Variants in PDE4D observed in about 807,000 individuals in gnomAD.
PDE4D encodes phosphodiesterase 4D, also known as 3',5'-cyclic-AMP phosphodiesterase 4D.
A neutral mutation model predicts 87.4 loss-of-function variants in PDE4D; 24 were observed. That is an observed-to-expected ratio of 0.27 (90% confidence interval 0.20 to 0.39). PDE4D has a LOEUF of 0.39. PDE4D is among the 10% of genes least tolerant of loss of function. The pLI is 1.00. For synonymous variants in PDE4D, 384 were observed against 383.2 expected (o/e 1.00, Z -0.02); for missense variants, 714 against 1,041.0 (o/e 0.69, Z 4.32).
chr5:60,483,607 A>G (rs1415375091), intron 1 of PDE4D, among the ~76,000 whole-genome samples: 2 of 152,234 alleles, frequency 1.3e-5, no homozygotes, highest in African/African-American at 4.8e-5. Flanking sequence ...GTTAAAAAAA[A>G]ACATTATTTC....
At chr5:59,582,270 A>T (rs1824305143) in intron 1 of PDE4D, among the ~76,000 whole-genome samples, 1 of 152,312 alleles carries the variant, frequency 6.6e-6, no homozygotes, top group East Asian at 1.9e-4. Context: ...ACGTATACAT[A>T]GTCATCAAAC....
intron 2 of PDE4D, among the ~76,000 whole-genome samples, chr5:60,172,690 G>T (rs948508670): frequency 6.6e-6 from 1 of 152,130 alleles, no homozygotes; most frequent in Non-Finnish European, 1.5e-5. Context: ...TCATTCTAAA[G>T]AGGCTTTAAC....
Position 59,448,846 on chromosome 5 carries a change from G to A in PDE4D, c.456-232878C>T, listed in dbSNP as rs115715707. On this transcript the variant is annotated intron_variant, in intron 1 of 14. Transcript: ENST00000340635. ...GATGGGGTCTTGCTAAGTTGCCTAG[G>A]CTAGTCTTGAACTTCTGGGCTCAAG... Among the ~76,000 whole-genome samples, 191 of 152,128 alleles carry A rather than the reference G, an allele frequency of 1.3e-3. 1 individual carries two copies. Among genetic ancestry groups the A allele is most frequent in the African/African-American group, 4.2e-3 (174 of 41,510 alleles).
At chr5:59,211,619 C>T (rs1750098147) in intron 2 of PDE4D, among the ~76,000 whole-genome samples, 2 of 151,954 alleles carry the variant, frequency 1.3e-5, no homozygotes, top group Admixed American at 1.3e-4. Context: ...AGATTAAGCT[C>T]ATTGGACTTT....
chr5:60,383,977 G>A (rs1450077049), intron 1 of PDE4D, among the ~76,000 whole-genome samples: 1 of 152,164 alleles, frequency 6.6e-6, no homozygotes, highest in Admixed American at 6.5e-5. Flanking sequence ...TAGCTAAGCA[G>A]TCTAACTCTA....
intron 5 of PDE4D, among the ~76,000 whole-genome samples, chr5:59,075,951 GC>G (rs1482230515): frequency 3.3e-5 from 5 of 151,810 alleles, no homozygotes; most frequent in Non-Finnish European, 4.4e-5. Flanking sequence ...CTGTTGCTTG[GC>G]AGTCCTCAAA....
At chr5:59,868,177 G>T (rs1747324440) in intron 1 of PDE4D, among the ~76,000 whole-genome samples, 2 of 152,188 alleles carry the variant, frequency 1.3e-5, no homozygotes, top group African/African-American at 2.4e-5. Flanking sequence ...AAGACTCACA[G>T]ATTTCTTGTT....
intron 1 of PDE4D, among the ~76,000 whole-genome samples, chr5:59,496,074 C>T (rs78634108): frequency 0.017 from 2,585 of 152,222 alleles, 79 homozygotes; most frequent in East Asian, 0.13. Flanking sequence ...CAAGGTTTTA[C>T]TGAGTGGAAG....
intron 1 of PDE4D, among the ~76,000 whole-genome samples, chr5:59,377,432 A>AAT (rs60411698): frequency 1.4e-3 from 208 of 150,116 alleles, no homozygotes; most frequent in African/African-American, 5.0e-3. Context: ...AAAAAAAAAA[A>AAT]ATATGTCATG....
intron 1 of PDE4D, among the ~76,000 whole-genome samples, chr5:59,732,394 T>TCTCACACACACA (rs1554072567): frequency 6.8e-6 from 1 of 146,128 alleles, no homozygotes; most frequent in African/African-American, 2.5e-5. Flanking sequence ...CAGGAGACAT[T>TCTCACACACACA]CACACACACA....
intron 2 of PDE4D, among the ~76,000 whole-genome samples, chr5:60,133,800 G>C (rs778930129): frequency 7.9e-5 from 12 of 152,098 alleles, no homozygotes; most frequent in Non-Finnish European, 1.6e-4. Context: ...GCTTAAATCT[G>C]ACTCCTTGTA....
intron 1 of PDE4D, among the ~76,000 whole-genome samples, chr5:59,452,323 G>A (rs1251272972): frequency 3.1e-4 from 47 of 152,116 alleles, no homozygotes; most frequent in Non-Finnish European, 1.5e-5. Context: ...AACAGCTTCC[G>A]ACTAAGCTAA....
At chr5:59,244,668 ATGTGTGTGTGTCTGTGTGTGTGTG>A (rs1353377723) in intron 1 of PDE4D, among the ~76,000 whole-genome samples, 3 of 107,010 alleles carry the variant, frequency 2.8e-5, no homozygotes, top group African/African-American at 6.7e-5. Flanking sequence ...ATATGTATGT[ATGTGTGTGTGTCTGTGTGTGTGTG>A]TGTGTGTGTG....
chr5:60,076,403 C>T (rs1773299623), intron 2 of PDE4D, among the ~76,000 whole-genome samples: 1 of 152,140 alleles, frequency 6.6e-6, no homozygotes, highest in African/African-American at 2.4e-5. Flanking sequence ...CGTGATCCAC[C>T]CACCTTGGCC....
chr5:59,344,367 T>C (rs1390507601), intron 1 of PDE4D, among the ~76,000 whole-genome samples: 1 of 152,204 alleles, frequency 6.6e-6, no homozygotes, highest in African/African-American at 2.4e-5. Context: ...ACAAGCTTCA[T>C]GATATGAATC....
chr5:59,709,684 T>G (rs1395616304), intron 1 of PDE4D, among the ~76,000 whole-genome samples: 1 of 152,130 alleles, frequency 6.6e-6, no homozygotes, highest in Non-Finnish European at 1.5e-5. Flanking sequence ...TATTCCAACT[T>G]CCTCTCATCC....
intron 1 of PDE4D, among the ~76,000 whole-genome samples, chr5:59,788,610 T>C (rs1765432621): frequency 6.6e-6 from 1 of 152,212 alleles, no homozygotes; most frequent in Non-Finnish European, 1.5e-5. Flanking sequence ...CTAATAAGCC[T>C]TGGGGAGTCC....
chr5:59,040,722 T>A (rs1001045979), intron 5 of PDE4D, among the ~76,000 whole-genome samples: 1 of 152,204 alleles, frequency 6.6e-6, no homozygotes, highest in Admixed American at 6.5e-5. Flanking sequence ...AACTTTGTCA[T>A]TGTCGAGTGG....
At chr5:60,283,924 C>A (rs1752181231) in intron 1 of PDE4D, among the ~76,000 whole-genome samples, 1 of 151,818 alleles carries the variant, frequency 6.6e-6, no homozygotes, top group African/African-American at 2.4e-5. Context: ...AAAAAAAAAA[C>A]TGTCCCATAT....
Sources: allele counts gnomAD v4.1 joint callset (sites outside exome capture counted in the v4.1 genomes callset), GRCh38; gene constraint gnomAD v4.1.1; transcripts MANE v1.5; gene names NCBI Gene and HGNC (gene_info 2026-07-23, HGNC 2026-07-21).